ST6GAL1: variants seen among roughly 807,000 people sequenced by gnomAD.
ST6GAL1 encodes the protein beta-galactoside alpha-2,6-sialyltransferase 1.
A neutral mutation model predicts 38.0 loss-of-function variants in ST6GAL1; 20 were observed. The ratio of observed to expected loss-of-function variants is 0.53; its 90% CI spans 0.37 to 0.77. The LOEUF is 0.77. ST6GAL1 is among the 30% of genes least tolerant of loss of function. The pLI is 0.00. For synonymous variants in ST6GAL1, 196 were observed against 188.2 expected (o/e 1.04, Z -0.34); for missense variants, 432 against 496.4 (o/e 0.87, Z 1.23).
intron 5 of ST6GAL1, among the ~76,000 whole-genome samples, chr3:187,066,597 C>CGTGTGTGTGTGTGTGT (rs374550671): frequency 8.6e-6 from 1 of 116,938 alleles, no homozygotes; most frequent in African/African-American, 3.1e-5. Flanking sequence ...GATGTGCGTG[C>CGTGTGTGTGTGTGTGT]GTGCGTGTGT....
intron 5 of ST6GAL1, among the ~76,000 whole-genome samples, chr3:187,061,435 T>C (rs562964830): frequency 6.6e-6 from 1 of 151,984 alleles, no homozygotes; most frequent in African/African-American, 2.4e-5. Context: ...TCCTGAAAAA[T>C]AAGAATAAAG....
chr3:187,074,164 C>T lies in ST6GAL1; in HGVS notation c.810C>T (p.Tyr270=). 1 of 1,604,612 alleles carries T rather than the reference C, an allele frequency of 6.2e-7. No homozygotes were observed. The highest frequency in any genetic ancestry group is 8.5e-7 in the Non-Finnish European group (1 of 1,176,068). Residue 270 remains tyrosine (Y), a synonymous_variant, in exon 7 of 8, where the codon TAC becomes TAT. Coordinates refer to ENST00000169298, the MANE Select transcript of ST6GAL1 (RefSeq NM_173216.2). ...ACCACTTCTTTCTTTTTCAGTGGTA[C>T]CAGAATCCGGATTATAATTTCTTTA... ...SVYHSDIPKW[Y]QNPDYNFFNN... is the part of the protein sequence containing the mutation.
At chr3:187,041,602 G>A (rs1001578086) in intron 3 of ST6GAL1, among the ~76,000 whole-genome samples, 1 of 152,172 alleles carries the variant, frequency 6.6e-6, no homozygotes, top group African/African-American at 2.4e-5. Flanking sequence ...TTGCAGTTCT[G>A]TGCATGTTGT....
rs543150420 is a variant in ST6GAL1, at chr3:187,026,862, G to A, written c.-182-11880G>A. 2.1e-4 allele frequency among the ~76,000 whole-genome samples: 32 copies of A among 152,130 alleles called. No individual in the cohort carries two copies. In the South Asian group the frequency reaches 5.4e-3, roughly 26 times the overall value. On this transcript the variant is annotated intron_variant, in intron 2 of 7. Transcript: ENST00000169298. ...AGATCGAGACCATCCTGGCTAACAC[G>A]GTGAAACCCCATCTCTACTAAAAAC...
At chr3:186,940,626 CATT>C (rs1714134274) in intron 1 of ST6GAL1, among the ~76,000 whole-genome samples, 1 of 152,104 alleles carries the variant, frequency 6.6e-6, no homozygotes, top group East Asian at 1.9e-4. Context: ...CATCAGCTAT[CATT>C]AGTGTTAGTG....
intron 2 of ST6GAL1, among the ~76,000 whole-genome samples, chr3:186,968,899 CTT>C (rs1325587857): frequency 2.0e-5 from 3 of 152,118 alleles, no homozygotes; most frequent in African/African-American, 7.2e-5. Flanking sequence ...GTTTGTTTAA[CTT>C]TTAAAGAAGC....
chr3:187,072,654 T>C, intron 5 of ST6GAL1, 195 bp from the exon 6 acceptor site: 1 of 579,100 alleles, frequency 1.7e-6, no homozygotes, highest in South Asian at 1.7e-5. Flanking sequence ...TTGTGATAAA[T>C]GTCCTTTCAG....
At chr3:186,932,697 C>G (rs1713802439) in intron 1 of ST6GAL1, among the ~76,000 whole-genome samples, 1 of 152,348 alleles carries the variant, frequency 6.6e-6, no homozygotes, top group Non-Finnish European at 1.5e-5. Context: ...TGTGTCTTAG[C>G]AAGCTACTCC....
At chr3:186,967,896 G>T (rs1056678904) in intron 2 of ST6GAL1, among the ~76,000 whole-genome samples, 3 of 152,234 alleles carry the variant, frequency 2.0e-5, no homozygotes, top group African/African-American at 4.8e-5. Flanking sequence ...TGGGGAGCCG[G>T]CACAGCCCAC....
intron 2 of ST6GAL1, among the ~76,000 whole-genome samples, chr3:186,969,238 A>C (rs919809130): frequency 6.6e-6 from 1 of 151,746 alleles, no homozygotes; most frequent in Non-Finnish European, 1.5e-5. Context: ...TTTTTAGTAG[A>C]GACGGGGTTT....
chr3:186,932,417 A>G (rs1196852757), intron 1 of ST6GAL1, among the ~76,000 whole-genome samples: 1 of 152,248 alleles, frequency 6.6e-6, no homozygotes, highest in Non-Finnish European at 1.5e-5. Context: ...AGGGTGAAAC[A>G]AAGAGTAATT....
intron 1 of ST6GAL1, among the ~76,000 whole-genome samples, chr3:186,936,478 C>T (rs1296995935): frequency 3.3e-5 from 5 of 152,024 alleles, no homozygotes; most frequent in Non-Finnish European, 7.4e-5. Flanking sequence ...CAGTCTGACT[C>T]CTATAGATGT....
chr3:187,061,450 A>T (rs1450130506), intron 5 of ST6GAL1, among the ~76,000 whole-genome samples: 1 of 152,084 alleles, frequency 6.6e-6, no homozygotes, highest in African/African-American at 2.4e-5. Flanking sequence ...ATAAAGCTGG[A>T]GTTCTCTCAC....
chr3:187,003,375 A>C (rs959375986), intron 2 of ST6GAL1, among the ~76,000 whole-genome samples: 4 of 152,208 alleles, frequency 2.6e-5, no homozygotes, highest in Admixed American at 1.3e-4. Flanking sequence ...TATCCAAAAC[A>C]ACCTCATTGA....
At position 186,993,875 on chromosome 3, in the gene ST6GAL1, C is replaced by T. The variant is rs117658100; in HGVS notation, c.-183+29949C>T. ...AACCTAGCACATTACGTTATGTAAG[C>T]GATACTTATAACAATGATGATAATG... On this transcript the variant is annotated intron_variant, in intron 2 of 7. Transcript: ENST00000169298. 1.8e-3 allele frequency among the ~76,000 whole-genome samples: 274 copies of T among 152,056 alleles called. 5 individuals are homozygous for T. The East Asian group carries it at 0.041, about 22-fold the overall frequency.
chr3:187,025,120 C>G (rs898701137), intron 2 of ST6GAL1, among the ~76,000 whole-genome samples: 1 of 151,854 alleles, frequency 6.6e-6, no homozygotes, highest in Non-Finnish European at 1.5e-5. Context: ...GTAGGTAATT[C>G]TCGATGCCAT....
chr3:187,034,799 T>C (rs970066299), intron 2 of ST6GAL1, among the ~76,000 whole-genome samples: 4 of 152,146 alleles, frequency 2.6e-5, no homozygotes, highest in Non-Finnish European at 5.9e-5. Context: ...GCCAATATCA[T>C]ACTGAATGGG....
intron 4 of ST6GAL1, among the ~76,000 whole-genome samples, chr3:187,047,946 C>CT (rs35595658): frequency 0.049 from 6,926 of 141,458 alleles, 192 homozygotes; most frequent in East Asian, 0.065. Flanking sequence ...CTTTTCCTTT[C>CT]TTTTTTTTTT....
chr3:186,991,501 C>T (rs1309890603), intron 2 of ST6GAL1, among the ~76,000 whole-genome samples: 1 of 152,160 alleles, frequency 6.6e-6, no homozygotes, highest in Non-Finnish European at 1.5e-5. Flanking sequence ...TTATTTGATA[C>T]ACTTTTTATG....
Sources: allele counts gnomAD v4.1 joint callset (sites outside exome capture counted in the v4.1 genomes callset), GRCh38; gene constraint gnomAD v4.1.1; transcripts MANE v1.5; gene names NCBI Gene and HGNC (gene_info 2026-07-23, HGNC 2026-07-21).